Variants in COL4A3 observed in about 807,000 individuals in gnomAD.
COL4A3 encodes collagen type IV alpha 3 chain.
COL4A3 carries 135 observed loss-of-function variants against 217.4 expected under a neutral mutation model. The ratio of observed to expected loss-of-function variants is 0.62; its 90% CI spans 0.54 to 0.72. COL4A3 has a LOEUF of 0.72. COL4A3 is among the 30% of genes least tolerant of loss of function. The pLI is 0.00. For missense variants in COL4A3, 1,868 were observed against 2,119.9 expected (o/e 0.88, Z 2.33); for synonymous variants, 690 against 736.3 (o/e 0.94, Z 1.02).
intron 27 of COL4A3, 53 bp downstream of exon 27, chr2:227,276,530 T>A: frequency 7.6e-7 from 1 of 1,308,370 alleles, no homozygotes; most frequent in Non-Finnish European, 1.1e-6. Context: ...CACAACACCC[T>A]GACTCTCTTG....
In COL4A3 at chr2:227,293,702, T is replaced by C. The variant is rs7569636; in HGVS notation, c.3337+385T>C. On this transcript the variant is annotated intron_variant, in intron 38 of 51. Coordinates refer to ENST00000396578, the MANE Select transcript of COL4A3 (RefSeq NM_000091.5). ...TGATGTTAGCCAAAAGGCTGAGAAG[T>C]GATTAGGTGGCTTAAACTACAGATG... The C allele has an allele frequency of 0.92, 436,820 of 476,988 alleles. 200,145 individuals carry two copies. Among genetic ancestry groups the C allele is most frequent in the African/African-American group, 0.93 (47,052 of 50,456 alleles). The allele number at this position is 476,988 out of a possible 1,614,324, so 29.5% of individuals were successfully genotyped here.
chr2:227,226,007 C>A (rs1338217655), intron 1 of COL4A3, among the ~76,000 whole-genome samples: 4 of 152,104 alleles, frequency 2.6e-5, no homozygotes, highest in African/African-American at 9.7e-5. Flanking sequence ...CCACCATGCC[C>A]AGCCAGGAAC....
chr2:227,255,870 T>C (rs574688860), intron 15 of COL4A3, among the ~76,000 whole-genome samples, 156 bp from the exon 16 acceptor site: 4 of 152,324 alleles, frequency 2.6e-5, no homozygotes, highest in Admixed American at 2.0e-4. Context: ...TATTCTGTGG[T>C]TAATAGTTTT....
In COL4A3 at chr2:227,303,923, A is replaced by C. The variant is rs2073396760; in HGVS notation, c.4020A>C (p.Gly1340=). Reference sequence around the variant, plus strand: ...CTCCAGGACCAATTGGGCCAAAAGGACCACCTGGTAAATAAACGTCCTTAC... The same window carrying C: ...CTCCAGGACCAATTGGGCCAAAAGGCCCACCTGGTAAATAAACGTCCTTAC... ...IGPPGPIGPK[G]PPGVRGDPGT... is the part of the protein sequence containing the mutation. The change falls in exon 45 of 52, where the codon GGA becomes GGC. Residue 1340 remains glycine (G), a synonymous_variant. Transcript: ENST00000396578. 5 of 1,614,254 alleles carry C rather than the reference A, an allele frequency of 3.1e-6. No homozygotes were observed. The highest frequency in any genetic ancestry group is 1.3e-5 in the African/African-American group (1 of 75,068).
intron 1 of COL4A3, among the ~76,000 whole-genome samples, chr2:227,222,158 AT>A (rs1559839864): frequency 1.2e-4 from 11 of 93,128 alleles, no homozygotes; most frequent in Admixed American, 6.1e-4. Flanking sequence ...AATAATAATA[AT>A]AATAATGATA....
chr2:227,256,641 G>A, intron 17 of COL4A3: 1 of 683,280 alleles, frequency 1.5e-6, no homozygotes, highest in South Asian at 1.5e-5. Context: ...GGACCAGTGA[G>A]AGTGCAGCTT....
chr2:227,196,632 A>G (rs2066490737), intron 1 of COL4A3, among the ~76,000 whole-genome samples: 1 of 152,060 alleles, frequency 6.6e-6, no homozygotes, highest in Non-Finnish European at 1.5e-5. Context: ...TATCTTTTAT[A>G]TTGCATTTTT....
intron 3 of COL4A3, among the ~76,000 whole-genome samples, chr2:227,241,433 G>A (rs2069013436): frequency 6.6e-6 from 1 of 152,144 alleles, no homozygotes; most frequent in South Asian, 2.1e-4. Flanking sequence ...CATTGCTCTG[G>A]GAGGCTGAGG....
rs201802059 is a variant in COL4A3 at position 227,252,090 on chromosome 2, A to T, written c.645+719A>T. On this transcript the variant is annotated intron_variant, in intron 11 of 51. Transcript: ENST00000396578. ...TCTCAAAAAAAAAAAAAAAAAAAAA[A>T]ACAGAAGTGCAATTGTTAGTTTAAC... Among the ~76,000 whole-genome samples the T allele has an allele frequency of 6.8e-4, 102 of 150,822 alleles. No individual in the cohort carries two copies. In the East Asian group the frequency reaches 0.015, roughly 22 times the overall value.
intron 1 of COL4A3, among the ~76,000 whole-genome samples, chr2:227,226,661 G>C (rs1302084410): frequency 6.6e-6 from 1 of 152,136 alleles, no homozygotes; most frequent in Non-Finnish European, 1.5e-5. Context: ...GTAGAGACGG[G>C]GTTTCCCCCA....
At chr2:227,271,415 C>G (rs1049066651) in intron 25 of COL4A3, among the ~76,000 whole-genome samples, 2 of 149,680 alleles carry the variant, frequency 1.3e-5, no homozygotes, top group African/African-American at 4.9e-5. Context: ...AATCCCTTTT[C>G]ATGAGAGAGT....
intron 1 of COL4A3, among the ~76,000 whole-genome samples, chr2:227,228,071 T>C (rs2068195530): frequency 6.6e-6 from 1 of 152,376 alleles, no homozygotes; most frequent in African/African-American, 2.4e-5. Context: ...ATCTGTATGC[T>C]TGCTGTCATC....
chr2:227,211,684 G>C (rs1468874216), intron 1 of COL4A3, among the ~76,000 whole-genome samples: 1 of 133,224 alleles, frequency 7.5e-6, no homozygotes, highest in Non-Finnish European at 1.6e-5. Context: ...TTGAGACAGA[G>C]TCTTGCTCTG....
chr2:227,283,927 G>A, intron 33 of COL4A3, 71 bp downstream of exon 33: 2 of 1,384,724 alleles, frequency 1.4e-6, no homozygotes, highest in Non-Finnish European at 2.1e-6. Flanking sequence ...AGCAAAAAAA[G>A]TTATGTTTCA....
chr2:227,272,875 T>G, intron 25 of COL4A3, 74 bp from the exon 26 acceptor site: 1 of 1,448,074 alleles, frequency 6.9e-7, no homozygotes, highest in Non-Finnish European at 9.7e-7. Context: ...GGTATTCATA[T>G]TTGGAGGATG....
At position 227,253,436 on chromosome 2, in the gene COL4A3, G is replaced by A; in HGVS notation, c.687+99G>A. On this transcript the variant is annotated intron_variant, in intron 12 of 51. Coordinates refer to ENST00000396578, the MANE Select transcript of COL4A3 (RefSeq NM_000091.5). This position sits in a 1 kb window ranked among gnomAD's most constrained non-coding sequence, Gnocchi z 4.4. The stretch of plus-strand genomic sequence containing the variant: ...CTTACGGGCCAAGCTGAAATTGATG[G>A]GCCTTCATTTGTTCTATCTTCCCGT... 6.9e-7 allele frequency: 1 copy of A among 1,448,508 alleles called. No individual in the cohort carries two copies. The highest frequency in any genetic ancestry group is 9.7e-7 in the Non-Finnish European group (1 of 1,029,016). 89.7% of individuals were successfully genotyped at this position (1,448,508 alleles called of 1,614,324 possible). A position where few individuals can be genotyped will look rare whatever the true frequency, so the allele number is the denominator to read the frequency against.
chr2:227,195,477 A>G (rs1574531645), intron 1 of COL4A3, among the ~76,000 whole-genome samples: 1 of 152,182 alleles, frequency 6.6e-6, no homozygotes. Flanking sequence ...CCACAGTGCA[A>G]TGCATTACTC....
chr2:227,224,627 C>T (rs935699400), intron 1 of COL4A3, among the ~76,000 whole-genome samples: 6 of 151,988 alleles, frequency 3.9e-5, no homozygotes, highest in Admixed American at 6.6e-5. Flanking sequence ...TGGCGGCAGG[C>T]GCCTGTAATC....
Position 227,303,927 on chromosome 2 carries a change from C to T in COL4A3, c.4024C>T (p.Pro1342Ser). ...PPGPIGPKGP[P>S]GVRGDPGTLK... ...AGGACCAATTGGGCCAAAAGGACCA[C>T]CTGGTAAATAAACGTCCTTACTATT... The change falls in exon 45 of 52, where the codon CCT becomes TCT. Residue 1342 changes from proline to serine, a missense_variant. Coordinates refer to ENST00000396578, the MANE Select transcript of COL4A3 (RefSeq NM_000091.5). 1 of 1,614,206 alleles carries T rather than the reference C, an allele frequency of 6.2e-7. No homozygotes were observed. The highest frequency in any genetic ancestry group is 8.5e-7 in the Non-Finnish European group (1 of 1,180,010).
Sources: gnomAD v4.1 joint callset for allele counts (sites outside exome capture counted in the v4.1 genomes callset) on GRCh38, gnomAD v4.1.1 for gene constraint, Gnocchi (gnomAD v3.1) non-coding constraint, MANE v1.5 for transcripts, NCBI Gene and HGNC (gene_info 2026-07-23, HGNC 2026-07-21) for gene names.